Variants in CLCA4 observed in about 807,000 individuals in gnomAD.
CLCA4 encodes the protein chloride channel accessory 4.
In CLCA4, 69 loss-of-function variants were observed where a neutral mutation model predicts 78.9. That is an observed-to-expected ratio of 0.87 (90% CI 0.72 to 1.07). The LOEUF (loss-of-function observed/expected upper bound fraction) is 1.07, where lower values mean the gene tolerates loss of function less well. CLCA4 is among the 50% of genes least tolerant of loss of function. The probability of loss-of-function intolerance (pLI) is 0.00; values close to 1 mark genes in which losing one functional copy is unlikely to be tolerated. For missense variants in CLCA4, 1,133 were observed against 1,095.8 expected (o/e 1.03, Z -0.48); for synonymous variants, 362 against 375.8 (o/e 0.96, Z 0.42).
chr1:86,557,090 T>C (rs111233467), intron 1 of CLCA4, among the ~76,000 whole-genome samples: 2,807 of 152,258 alleles, frequency 0.018, 86 homozygotes, highest in African/African-American at 0.063. Context: ...TCTCTTTTCT[T>C]ATTTATTAGT....
At chr1:86,552,958 G>C in intron 1 of CLCA4, 1 of 632,858 alleles carries the variant, frequency 1.6e-6, no homozygotes, top group African/African-American at 1.8e-5. Flanking sequence ...TGAGGTGACT[G>C]GGCAAAGGTT....
intron 3 of CLCA4, among the ~76,000 whole-genome samples, chr1:86,563,233 A>AATAT (rs3029440): frequency 0.02 from 3,046 of 149,660 alleles, 101 homozygotes; most frequent in African/African-American, 0.069. Flanking sequence ...TATTGCATTG[A>AATAT]ATATATATAT....
chr1:86,560,023 G>T lies in CLCA4; in HGVS notation c.251G>T (p.Trp84Leu). ...GTATCTATATTAATTCCTGAGAATTGGAAGGAAAATCCTCAGTACAAAAGG... is the reference window on the plus strand; with the variant it reads ...GTATCTATATTAATTCCTGAGAATTTGAAGGAAAATCCTCAGTACAAAAGG... ...KNVSILIPENWKENPQYKRPK... is the reference protein window; with the variant it reads ...KNVSILIPENLKENPQYKRPK... The change falls in exon 2 of 14, where the codon TGG becomes TTG. Residue 84 changes from tryptophan (W) to leucine (L), a missense_variant. By Grantham distance (61) the Trp-to-Leu change is moderately conservative (BLOSUM62 -2). Coordinates refer to ENST00000370563, the MANE Select transcript of CLCA4 (RefSeq NM_012128.4). The T allele has an allele frequency of 6.2e-7, 1 of 1,608,370 alleles. No individual in the cohort carries two copies. Among genetic ancestry groups the T allele is most frequent in the Non-Finnish European group, 8.5e-7 (1 of 1,177,572 alleles).
rs1650141279 is a variant in CLCA4 at position 86,565,210 on chromosome 1, C to T, written c.558-64C>T. 4 of 1,188,338 alleles carry T rather than the reference C, an allele frequency of 3.4e-6. No homozygotes were observed. In the South Asian group the frequency reaches 4.6e-5, roughly 14 times the overall value. 73.6% of individuals were successfully genotyped at this position (1,188,338 alleles called of 1,614,324 possible). On this transcript the variant is annotated intron_variant, in intron 4 of 13. Transcript: ENST00000370563. Reference sequence around the variant, plus strand: ...ATAAAGTTCATCATGAATAGAACCACTTAAGATTTCTGTAAGTGCTAATGA... The same window carrying T: ...ATAAAGTTCATCATGAATAGAACCATTTAAGATTTCTGTAAGTGCTAATGA...
intron 7 of CLCA4, among the ~76,000 whole-genome samples, chr1:86,570,761 T>C (rs1229217058): frequency 2.0e-5 from 3 of 151,526 alleles, no homozygotes; most frequent in African/African-American, 7.3e-5. Context: ...CATACTGTGA[T>C]TATACCTTTG....
At chr1:86,547,380 C>G in intron 1 of CLCA4, 102 bp downstream of exon 1, 1 of 866,208 alleles carries the variant, frequency 1.2e-6, no homozygotes, top group Non-Finnish European at 1.7e-6. Context: ...AGTAGTATTT[C>G]TATACATGTA....
intron 1 of CLCA4, among the ~76,000 whole-genome samples, chr1:86,550,833 C>CTTT (rs776646480): frequency 1.5e-5 from 2 of 134,470 alleles, no homozygotes; most frequent in Non-Finnish European, 3.2e-5. Flanking sequence ...GGGATCATTT[C>CTTT]TTTTTTTTTT....
chr1:86,552,117 T>G (rs1271339229), intron 1 of CLCA4, among the ~76,000 whole-genome samples: 1 of 152,172 alleles, frequency 6.6e-6, no homozygotes, highest in Admixed American at 6.5e-5. Flanking sequence ...GCTATAAAAG[T>G]TCTAATGTCG....
In CLCA4 at chr1:86,579,968, G is replaced by C. The variant is rs1430770647; in HGVS notation, c.2383G>C (p.Ala795Pro). ...TCAACGTTATATCATAAGAATAAGTGCAAGTATTCTTGATCTAAGAGACAG... is the reference window on the plus strand; with the variant it reads ...TCAACGTTATATCATAAGAATAAGTCCAAGTATTCTTGATCTAAGAGACAG... ...KVQRYIIRIS[A>P]SILDLRDSFD... Residue 795 changes from alanine to proline, a missense_variant, in exon 14 of 14, where the codon GCA becomes CCA. By Grantham distance (27) the Ala-to-Pro change is conservative. Coordinates refer to ENST00000370563, the MANE Select transcript of CLCA4 (RefSeq NM_012128.4). 1 of 1,597,182 alleles carries C rather than the reference G, an allele frequency of 6.3e-7. No individual in the cohort carries two copies. The highest frequency in any genetic ancestry group is 8.5e-7 in the Non-Finnish European group (1 of 1,171,296).
At chr1:86,561,125 A>G (rs1650005948) in intron 3 of CLCA4, among the ~76,000 whole-genome samples, 1 of 152,150 alleles carries the variant, frequency 6.6e-6, no homozygotes, top group African/African-American at 2.4e-5. Flanking sequence ...ATCTGGTCCT[A>G]TTCATTACCT....
At chr1:86,552,658 G>A (rs1352758311) in intron 1 of CLCA4, 8 of 832,322 alleles carry the variant, frequency 9.6e-6, no homozygotes, top group Non-Finnish European at 1.6e-5. Context: ...GGTCCAGCTC[G>A]CCCAGATCGG....
chr1:86,578,277 T>C lies in CLCA4; in HGVS notation c.2122+205T>C, dbSNP rs575473368. Among the ~76,000 whole-genome samples the C allele has an allele frequency of 1.1e-4, 16 of 152,168 alleles. No individual in the cohort carries two copies. The South Asian group carries it at 3.1e-3, about 30-fold the overall frequency. On this transcript the variant is annotated intron_variant, in intron 12 of 13. Transcript: ENST00000370563. ...TGGCACCTAGTAAGCACTCAAGCACTCAAAAAAGGTCAATTATTCTTATTT... is the reference window on the plus strand; with the variant it reads ...TGGCACCTAGTAAGCACTCAAGCACCCAAAAAAGGTCAATTATTCTTATTT...
In CLCA4 at chr1:86,560,318, C is replaced by T. The variant is rs1336888229; in HGVS notation, c.408C>T (p.Asp136=). ...EKGEYIHFTP[D]LLLGKKQNEY... ...GCGAATACATTCACTTCACCCCTGA[C>T]CTTCTACTTGGAAAAAAACAAAATG... Residue 136 remains aspartate, a synonymous_variant, in exon 3 of 14, where the codon GAC becomes GAT. Coordinates refer to ENST00000370563, the MANE Select transcript of CLCA4 (RefSeq NM_012128.4). 3.1e-6 allele frequency: 5 copies of T among 1,613,954 alleles called. No individual in the cohort carries two copies. Among genetic ancestry groups the T allele is most frequent in the East Asian group, 4.5e-5 (2 of 44,868 alleles).
rs2101804325 is a variant in CLCA4 at position 86,565,420 on chromosome 1, CA to C, written c.705del (p.Ser236ProfsTer2). ...FFPDKVQTEK[A>X]SIMFMQSIDS... ...CCTGATAAAGTACAAACAGAAAAAG[CA>C]TCCATAATGTTTATGCAAAGTATTG... On this transcript the variant is annotated frameshift_variant, in exon 5 of 14. Transcript: ENST00000370563. LOFTEE classifies it high-confidence loss of function. 4.4e-6 allele frequency: 7 copies of C among 1,602,536 alleles called. No individual in the cohort carries two copies. In the East Asian group the frequency reaches 1.6e-4, roughly 36 times the overall value.
chr1:86,552,777 G>A, intron 1 of CLCA4: 1 of 1,354,080 alleles, frequency 7.4e-7, no homozygotes, highest in South Asian at 1.2e-5. Context: ...TGTCCAGGTT[G>A]TAGTAGGGGC....
At chr1:86,578,821 T>A (rs1341868991) in intron 12 of CLCA4, among the ~76,000 whole-genome samples, 1 of 152,086 alleles carries the variant, frequency 6.6e-6, no homozygotes, top group Non-Finnish European at 1.5e-5. Flanking sequence ...AGAATTTTAA[T>A]AAGTCAAAAA....
At chr1:86,560,515 C>G (rs954895094) in intron 3 of CLCA4, among the ~76,000 whole-genome samples, 157 bp downstream of exon 3, 3 of 152,176 alleles carry the variant, frequency 2.0e-5, no homozygotes, top group Non-Finnish European at 4.4e-5. Context: ...GACCTACTGT[C>G]TCTGTGGTTA....
In CLCA4 at chr1:86,568,067, A is replaced by T. The variant is rs1437051322; in HGVS notation, c.1182+416A>T. ...TTTCTGTAACATTCAGCTAGGGCAA[A>T]CTATTTATTATACCTCTTAAAGCAG... On this transcript the variant is annotated intron_variant, in intron 7 of 13. Transcript: ENST00000370563. Among the ~76,000 whole-genome samples, 2 of 151,960 alleles carry T rather than the reference A, an allele frequency of 1.3e-5. 1 individual carries two copies.
chr1:86,579,560 C>G lies in CLCA4; in HGVS notation c.2329C>G (p.Pro777Ala), dbSNP rs1182641636. The G allele has an allele frequency of 2.5e-6, 4 of 1,612,442 alleles. No individual in the cohort carries two copies. Among genetic ancestry groups the G allele is most frequent in the Non-Finnish European group, 3.4e-6 (4 of 1,179,028 alleles). The change falls in exon 13 of 14, where the codon CCA (proline) becomes GCA (alanine). Residue 777 changes from proline (P) to alanine (A), a missense_variant. Physicochemically the swap from Pro to Ala is conservative, Grantham distance 27 (BLOSUM62 -1). Transcript: ENST00000370563. ...TAAGATTATTCTTACATGGACAGCA[C>G]CAGGAGATAATTTTGATGTTGGAAA... is the stretch of plus-strand genomic sequence containing the variant. ...EDKIILTWTA[P>A]GDNFDVGKVQ...
Sources: gnomAD v4.1 joint callset for allele counts (sites outside exome capture counted in the v4.1 genomes callset) on GRCh38, gnomAD v4.1.1 for gene constraint, MANE v1.5 for transcripts, NCBI Gene and HGNC (gene_info 2026-07-23, HGNC 2026-07-21) for gene names.